Variants in DGKB observed in about 807,000 individuals in gnomAD.
DGKB encodes diacylglycerol kinase beta.
DGKB carries 67 observed loss-of-function variants against 114.3 expected under a neutral mutation model. The observed-to-expected ratio is 0.59, with a 90% CI of 0.48 to 0.72. The LOEUF is 0.72. Among genes scored for constraint, DGKB ranks in the 30% least tolerant of loss-of-function variants. The probability of loss-of-function intolerance (pLI) is 0.00; values close to 1 mark genes in which losing one functional copy is unlikely to be tolerated. For missense variants in DGKB, 907 were observed against 975.2 expected, an observed-to-expected ratio of 0.93 and a Z score of 0.93; for synonymous variants, 398 against 323.1, an observed-to-expected ratio of 1.23 and a Z score of -2.49.
chr7:14,279,241 A>T (rs1799509652), intron 23 of DGKB, among the ~76,000 whole-genome samples: 2 of 151,982 alleles, frequency 1.3e-5, no homozygotes, highest in Admixed American at 6.6e-5. Flanking sequence ...ACCCCCACGG[A>T]GTCTCGCTGA....
chr7:14,951,424 A>G (rs994246912), intron 1 of DGKB, among the ~76,000 whole-genome samples: 4 of 152,016 alleles, frequency 2.6e-5, no homozygotes, highest in African/African-American at 9.7e-5. Context: ...ATACTATATT[A>G]TTCAAATTAT....
intron 2 of DGKB, among the ~76,000 whole-genome samples, chr7:14,790,902 C>T (rs9692356): frequency 0.44 from 67,391 of 151,986 alleles, 17,992 homozygotes; most frequent in African/African-American, 0.75. Context: ...TTAGGGAGAA[C>T]TGCCATCTTT....
chr7:14,871,959 T>G (rs1587064518), intron 1 of DGKB, among the ~76,000 whole-genome samples: 1 of 152,192 alleles, frequency 6.6e-6, no homozygotes, highest in Non-Finnish European at 1.5e-5. Context: ...AAAGCTTCTA[T>G]GATTTATACG....
In DGKB at chr7:14,176,515, CAAA is replaced by C. The variant is rs1214189114; in HGVS notation, c.2304+321_2304+323del. The C allele has an allele frequency of 7.8e-6, 8 of 1,026,484 alleles. No homozygotes were observed. The South Asian group carries it at 1.8e-4, about 24-fold the overall frequency. 63.6% of individuals were successfully genotyped at this position (1,026,484 alleles called of 1,614,324 possible). ...TTCTAATAATGTGCTCTGAAATAAA[CAAA>C]AAAGTTTCAGATAAACTTTTATTAA... is the stretch of plus-strand genomic sequence containing the variant. On this transcript the variant is annotated intron_variant, in intron 25 of 25. Transcript: ENST00000402815.
At chr7:14,693,596 G>C (rs1011652235) in intron 9 of DGKB, among the ~76,000 whole-genome samples, 28 of 150,546 alleles carry the variant, frequency 1.9e-4, no homozygotes, top group African/African-American at 6.8e-4. Context: ...GGTAATGGCA[G>C]AAAACGCAAT....
At chr7:14,520,567 G>GT (rs1246014055) in intron 20 of DGKB, among the ~76,000 whole-genome samples, 6 of 150,368 alleles carry the variant, frequency 4.0e-5, no homozygotes, top group African/African-American at 4.9e-5. Flanking sequence ...CTTCTTTGTG[G>GT]TTTTTTTTGA....
rs77707962 is a variant in DGKB at position 14,714,381 on chromosome 7, C to T, written c.466+4161G>A. Among the ~76,000 whole-genome samples the T allele has an allele frequency of 6.8e-3, 1,041 of 152,176 alleles. 13 individuals carry two copies. The highest frequency in any genetic ancestry group is 0.023 in the African/African-American group (961 of 41,522). ...TGTGCAGGTCACAGCCAAAGCAAGC[C>T]TGGCAGAGTAGGTTGGGGTCAAACT... is the stretch of plus-strand genomic sequence containing the variant. On this transcript the variant is annotated intron_variant, in intron 6 of 25. Coordinates refer to ENST00000402815, the MANE Select transcript of DGKB (RefSeq NM_001350709.2).
intron 1 of DGKB, among the ~76,000 whole-genome samples, chr7:14,881,339 G>A (rs1854198390): frequency 6.6e-6 from 1 of 152,190 alleles, no homozygotes; most frequent in Admixed American, 6.5e-5. Flanking sequence ...CACCATTTTT[G>A]AAGCAATTTT....
intron 21 of DGKB, among the ~76,000 whole-genome samples, chr7:14,352,488 C>T (rs940856487): frequency 4.5e-5 from 5 of 111,474 alleles, no homozygotes; most frequent in Admixed American, 2.8e-4. Flanking sequence ...AGTAGTGATC[C>T]CACATTGCAG....
At chr7:14,604,674 T>G (rs573758390) in intron 17 of DGKB, among the ~76,000 whole-genome samples, 3 of 152,052 alleles carry the variant, frequency 2.0e-5, no homozygotes, top group South Asian at 2.1e-4. Flanking sequence ...CGCCATACAT[T>G]AAAAGGGAAT....
At chr7:14,830,815 G>T (rs1316053334) in intron 2 of DGKB, among the ~76,000 whole-genome samples, 1 of 151,834 alleles carries the variant, frequency 6.6e-6, no homozygotes, top group Non-Finnish European at 1.5e-5. Context: ...TTGACCTCTT[G>T]CCCCAAATTA....
intron 21 of DGKB, among the ~76,000 whole-genome samples, chr7:14,382,073 T>G (rs1338949947): frequency 6.7e-6 from 1 of 148,156 alleles, no homozygotes; most frequent in Non-Finnish European, 1.5e-5. Flanking sequence ...ACAAATCAAT[T>G]AAGTCTAAAC....
intron 21 of DGKB, among the ~76,000 whole-genome samples, chr7:14,457,760 GA>G (rs1832487703): frequency 6.6e-6 from 1 of 152,128 alleles, no homozygotes; most frequent in Non-Finnish European, 1.5e-5. Context: ...GACCTCCTAT[GA>G]CAGATTGCTA....
At chr7:14,408,505 GT>G (rs1172527538) in intron 21 of DGKB, among the ~76,000 whole-genome samples, 4 of 152,218 alleles carry the variant, frequency 2.6e-5, no homozygotes, top group African/African-American at 9.6e-5. Context: ...AACTGGAAAA[GT>G]CTGAATAATT....
At chr7:14,273,172 C>T (rs573826786) in intron 23 of DGKB, among the ~76,000 whole-genome samples, 3 of 152,060 alleles carry the variant, frequency 2.0e-5, no homozygotes, top group East Asian at 3.9e-4. Context: ...TGGTGAAACC[C>T]CAACTCTACA....
intron 20 of DGKB, among the ~76,000 whole-genome samples, chr7:14,516,525 G>A (rs767225378): frequency 1.1e-4 from 17 of 152,158 alleles, no homozygotes; most frequent in Non-Finnish European, 2.1e-4. Context: ...CACTGAAGAA[G>A]AGCCCATCCT....
chr7:14,433,384 C>T (rs1828765760), intron 21 of DGKB, among the ~76,000 whole-genome samples: 1 of 152,006 alleles, frequency 6.6e-6, no homozygotes, highest in Non-Finnish European at 1.5e-5. Context: ...ATAAACTTGA[C>T]CAGAAATAAT....
intron 13 of DGKB, among the ~76,000 whole-genome samples, chr7:14,660,257 T>G (rs1816759721): frequency 1.3e-5 from 2 of 152,004 alleles, no homozygotes; most frequent in African/African-American, 2.4e-5. Flanking sequence ...TCAAATGAGT[T>G]AGGGAGGATT....
intron 1 of DGKB, among the ~76,000 whole-genome samples, chr7:14,921,183 G>C (rs1185833915): frequency 6.6e-6 from 1 of 152,144 alleles, no homozygotes; most frequent in Non-Finnish European, 1.5e-5. Flanking sequence ...GAGAGGGGAA[G>C]TGGTGAGTAG....
Sources: allele counts gnomAD v4.1 joint callset (sites outside exome capture counted in the v4.1 genomes callset), GRCh38; gene constraint gnomAD v4.1.1; transcripts MANE v1.5; gene names NCBI Gene and HGNC (gene_info 2026-07-23, HGNC 2026-07-21).